Variants in EIPR1 observed in about 807,000 individuals in gnomAD.
EIPR1 encodes the protein EARP and GARP complex-interacting protein 1.
A neutral mutation model predicts 48.1 loss-of-function variants in EIPR1; 25 were observed. The observed-to-expected ratio is 0.52, with a 90% confidence interval of 0.38 to 0.73. The LOEUF is 0.73. EIPR1 is among the 30% of genes least tolerant of loss of function. The pLI, the probability that EIPR1 is intolerant of heterozygous loss-of-function variation, is 0.00. For synonymous variants in EIPR1, 204 were observed against 201.9 expected (o/e 1.01, Z -0.09); for missense variants, 415 against 506.2 (o/e 0.82, Z 1.73).
In EIPR1 at chr2:3,375,272, C is replaced by T. The variant is rs572147141; in HGVS notation, c.42+2376G>A. ...GGAGGGATAGCATTAGGAGATATACCTAATGCTGAATGACGAGTTAATGGG... is the reference window on the plus strand; with the variant it reads ...GGAGGGATAGCATTAGGAGATATACTTAATGCTGAATGACGAGTTAATGGG... On this transcript the variant is annotated intron_variant, in intron 1 of 8. Transcript: ENST00000382125. Among the ~76,000 whole-genome samples the T allele has an allele frequency of 6.9e-3, 1,037 of 149,576 alleles. 24 individuals are homozygous for T. The highest frequency in any genetic ancestry group is 0.025 in the African/African-American group (995 of 40,454).
chr2:3,361,074 C>A (rs563797447), intron 1 of EIPR1, among the ~76,000 whole-genome samples: 1 of 152,230 alleles, frequency 6.6e-6, no homozygotes, highest in East Asian at 1.9e-4. Context: ...AAAATGCAGT[C>A]AAAGAATTGA....
At chr2:3,276,638 G>A (rs1260400774) in intron 3 of EIPR1, among the ~76,000 whole-genome samples, 1 of 152,202 alleles carries the variant, frequency 6.6e-6, no homozygotes, top group Admixed American at 6.5e-5. Context: ...CTACCTCCAT[G>A]TCAACTGGTT....
chr2:3,193,860 A>G, intron 7 of EIPR1, 139 bp downstream of exon 7: 1 of 869,086 alleles, frequency 1.2e-6, no homozygotes, highest in Non-Finnish European at 1.7e-6. Flanking sequence ...GTGTTTCTTT[A>G]GGAAAAATAA....
chr2:3,376,770 A>G (rs1267303166), intron 1 of EIPR1, among the ~76,000 whole-genome samples: 1 of 151,994 alleles, frequency 6.6e-6, no homozygotes, highest in Non-Finnish European at 1.5e-5. Context: ...AGTATTTCAT[A>G]TGGCAGTGAA....
rs967089897 is a variant in EIPR1 at position 3,314,147 on chromosome 2, G to A, written c.259+23870C>T. On this transcript the variant is annotated intron_variant, in intron 3 of 8. Coordinates refer to ENST00000382125, the MANE Select transcript of EIPR1 (RefSeq NM_003310.5). ...CAGCTTTTCATGGCTCTAATTTCCCGAGGACTCTGCGCCAGCGTGATCTAC... is the reference window on the plus strand; with the variant it reads ...CAGCTTTTCATGGCTCTAATTTCCCAAGGACTCTGCGCCAGCGTGATCTAC... 9.9e-5 allele frequency among the ~76,000 whole-genome samples: 15 copies of A among 152,148 alleles called. No individual in the cohort carries two copies. The East Asian group carries it at 2.7e-3, about 27-fold the overall frequency.
intron 4 of EIPR1, among the ~76,000 whole-genome samples, chr2:3,222,673 C>T (rs1355571226): frequency 3.9e-5 from 6 of 152,136 alleles, no homozygotes; most frequent in East Asian, 3.9e-4. Context: ...ACTTGAGCCT[C>T]GGTACCAACT....
At chr2:3,309,272 A>C (rs73133173) in intron 3 of EIPR1, among the ~76,000 whole-genome samples, 18,571 of 152,186 alleles carry the variant, frequency 0.12, 3,116 homozygotes, top group East Asian at 0.64. Context: ...GGAAAATGCC[A>C]ATAACTGTGG....
chr2:3,243,067 A>G (rs756166102), intron 4 of EIPR1, among the ~76,000 whole-genome samples: 3 of 152,208 alleles, frequency 2.0e-5, no homozygotes, highest in Non-Finnish European at 4.4e-5. Context: ...CAAGCATGGA[A>G]GTTTGACACT....
chr2:3,194,139 G>A lies in EIPR1; in HGVS notation c.681C>T (p.His227=), dbSNP rs148611386. 2.5e-5 allele frequency: 41 copies of A among 1,613,840 alleles called. No homozygotes were observed. Among genetic ancestry groups the A allele is most frequent in the African/African-American group, 2.4e-4 (18 of 75,058 alleles). ...AGTCAAGGTCCCGCACCAGCTGTCC[G>A]TGGGCATTCTCTATGCAGTAGATCT... The part of the protein sequence containing the change: ...MSQIYCIENA[H]GQLVRDLDFN... The change falls in exon 7 of 9, where the codon CAC becomes CAT. Residue 227 remains histidine, a synonymous_variant. Transcript: ENST00000382125.
At chr2:3,276,220 T>A (rs1473166802) in intron 3 of EIPR1, among the ~76,000 whole-genome samples, 1 of 152,208 alleles carries the variant, frequency 6.6e-6, no homozygotes, top group East Asian at 1.9e-4. Context: ...TTCCTTGCTG[T>A]TGCAAATGCT....
chr2:3,287,528 G>A (rs886155524), intron 3 of EIPR1, among the ~76,000 whole-genome samples: 3 of 150,006 alleles, frequency 2.0e-5, no homozygotes, highest in South Asian at 2.1e-4. Context: ...TGTTCACCAC[G>A]CTCCAGAAAG....
chr2:3,369,773 C>T (rs1671066090), intron 1 of EIPR1, among the ~76,000 whole-genome samples: 1 of 152,252 alleles, frequency 6.6e-6, no homozygotes, highest in African/African-American at 2.4e-5. Context: ...TCAAGGAGGC[C>T]TGCCTGCCTC....
chr2:3,200,015 G>T lies in EIPR1; in HGVS notation c.517-2998C>A, dbSNP rs571740670. Among the ~76,000 whole-genome samples, 9 of 151,958 alleles carry T rather than the reference G, an allele frequency of 5.9e-5. No homozygotes were observed. The East Asian group carries it at 1.6e-3, about 26-fold the overall frequency. Reference sequence around the variant, plus strand: ...GTCTGCATCTGGGCATGCATGGGGAGAGTATGTGTCCACATCTGGGTACAG... The same window carrying T: ...GTCTGCATCTGGGCATGCATGGGGATAGTATGTGTCCACATCTGGGTACAG... On this transcript the variant is annotated intron_variant, in intron 5 of 8. Coordinates refer to ENST00000382125, the MANE Select transcript of EIPR1 (RefSeq NM_003310.5).
At chr2:3,268,201 C>T (rs1195017280) in intron 3 of EIPR1, among the ~76,000 whole-genome samples, 1 of 152,224 alleles carries the variant, frequency 6.6e-6, no homozygotes, top group Non-Finnish European at 1.5e-5. Context: ...CCTGCCCACA[C>T]CAGCTCCGGG....
intron 4 of EIPR1, among the ~76,000 whole-genome samples, chr2:3,226,446 T>C (rs1237368418): frequency 6.6e-6 from 1 of 152,248 alleles, no homozygotes; most frequent in East Asian, 1.9e-4. Flanking sequence ...TTCAAGTGCT[T>C]TGCTCATTTC....
intron 3 of EIPR1, among the ~76,000 whole-genome samples, chr2:3,280,305 C>T (rs1667975655): frequency 6.6e-6 from 1 of 152,348 alleles, no homozygotes; most frequent in East Asian, 1.9e-4. Context: ...GGAGGCTCCA[C>T]GCTCCCTCAC....
chr2:3,215,978 A>G (rs939414030), intron 4 of EIPR1, among the ~76,000 whole-genome samples: 1 of 152,244 alleles, frequency 6.6e-6, no homozygotes, highest in Admixed American at 6.5e-5. Flanking sequence ...CAAAACTCTA[A>G]AGCTAGGATG....
chr2:3,374,988 C>T (rs1320697262), intron 1 of EIPR1, among the ~76,000 whole-genome samples: 1 of 139,940 alleles, frequency 7.1e-6, no homozygotes, highest in Non-Finnish European at 1.5e-5. Flanking sequence ...CCCAAATGTC[C>T]AACAATGATA....
chr2:3,214,194 G>T lies in EIPR1; in HGVS notation c.471C>A (p.Asn157Lys). Residue 157 changes from asparagine to lysine, a missense_variant, in exon 5 of 9, where the codon AAC becomes AAA. Transcript: ENST00000382125. ...DGKKIISLAD[N>K]HILLWDLQES... ...CCTGTAAATCCCACAGCAGGATATGGTTATCAGCCAAGGAAATGATTTTCT... is the reference window on the plus strand; with the variant it reads ...CCTGTAAATCCCACAGCAGGATATGTTTATCAGCCAAGGAAATGATTTTCT... 6.2e-7 allele frequency: 1 copy of T among 1,613,732 alleles called. No individual in the cohort carries two copies. The highest frequency in any genetic ancestry group is 1.1e-5 in the South Asian group (1 of 91,006).
Sources: allele counts gnomAD v4.1 joint callset (sites outside exome capture counted in the v4.1 genomes callset), GRCh38; gene constraint gnomAD v4.1.1; transcripts MANE v1.5; gene names NCBI Gene and HGNC (gene_info 2026-07-23, HGNC 2026-07-21).